The following ZNF81 variants were observed in gnomAD, a reference collection of about 807,000 sequenced individuals.
ZNF81 encodes zinc finger protein 81.
In ZNF81, 5 loss-of-function variants were observed where a neutral mutation model predicts 32.3. The ratio of observed to expected loss-of-function variants is 0.15; its 90% CI spans 0.08 to 0.33. The LOEUF (loss-of-function observed/expected upper bound fraction) is 0.33. ZNF81 is among the 10% of genes least tolerant of loss of function. ZNF81 has a pLI of 1.00. For synonymous variants in ZNF81, 163 were observed against 166.8 expected (o/e 0.98, Z 0.17); for missense variants, 379 against 479.8 (o/e 0.79, Z 1.96).
chrX:47,863,608 G>A (rs1457771120), intron 2 of ZNF81, among the ~76,000 whole-genome samples: 1 of 111,960 alleles, frequency 8.9e-6, no homozygotes, highest in Non-Finnish European at 1.9e-5. Context: ...ACCTTAGAGA[G>A]GCAAGTAGCC....
chrX:47,885,448 T>C (rs1411284620), intron 2 of ZNF81, among the ~76,000 whole-genome samples: 1 of 112,415 alleles, frequency 8.9e-6, no homozygotes, highest in Admixed American at 9.4e-5. Flanking sequence ...TTGATTTTTG[T>C]CTTACTCATC....
chrX:47,876,643 T>C (rs1343490230), intron 2 of ZNF81, among the ~76,000 whole-genome samples: 2 of 112,135 alleles, frequency 1.8e-5, no homozygotes, highest in Non-Finnish European at 3.8e-5. Flanking sequence ...AAAGAAAGCA[T>C]AGGCAATGTC....
rs1287000329 is a variant in ZNF81 at position 47,920,018 on chromosome X, T to TAGTC, written c.*3389_*3390insCAGT. ...GTAGGACAGTAGAAACTGAGGTAAA[T>TAGTC]AGTAATTATTCCTGGAAACAGCCAT... On this transcript the variant is annotated 3_prime_UTR_variant, in exon 5 of 5. Coordinates refer to ENST00000338637, the MANE Select transcript of ZNF81 (RefSeq NM_007137.5). 6 of 111,708 alleles carry TAGTC rather than the reference T, an allele frequency of 5.4e-5. No homozygotes were observed. Among genetic ancestry groups the TAGTC allele is most frequent in the Admixed American group, 9.5e-5 (1 of 10,537 alleles). 9.2% of individuals were successfully genotyped at this position (111,708 alleles called of 1,213,427 possible). A position where few individuals can be genotyped will look rare whatever the true frequency, so the allele number is the denominator to read the frequency against.
intron 2 of ZNF81, among the ~76,000 whole-genome samples, chrX:47,855,998 G>A (rs1291523644): frequency 2.1e-5 from 2 of 95,739 alleles, no homozygotes; most frequent in African/African-American, 4.0e-5. Context: ...GCAGTGAGCC[G>A]AGATCACGCC....
At chrX:47,880,115 A>T (rs1446460849) in intron 2 of ZNF81, among the ~76,000 whole-genome samples, 6 of 112,336 alleles carry the variant, frequency 5.3e-5, no homozygotes, top group African/African-American at 1.9e-4. Context: ...CAGGAGGCAC[A>T]TAATACCAAA....
At position 47,915,433 on chromosome X, in the gene ZNF81, C is replaced by G. The variant is rs895845727; in HGVS notation, c.787C>G (p.Gln263Glu). 9.9e-6 allele frequency: 12 copies of G among 1,209,800 alleles called. No individual in the cohort carries two copies. Among genetic ancestry groups the G allele is most frequent in the Non-Finnish European group, 1.3e-5 (12 of 895,219 alleles). The change falls in exon 5 of 5, where the codon CAA (glutamine) becomes GAA (glutamate). Residue 263 changes from glutamine to glutamate, a missense_variant. By Grantham distance (29) the Gln-to-Glu change is conservative. Around this residue, in one of 2 missense-constraint regions of ZNF81, gnomAD observed 277 missense variants for 306.6 expected, o/e 0.90. Transcript: ENST00000338637. ...KVLSLKHSLS[Q>E]NVKFPIGEKA... ...CCTCAGCCTCAAACACTCACTCAGT[C>G]AAAATGTGAAATTTCCCATTGGAGA...
chrX:47,910,184 A>G (rs2058734878), intron 4 of ZNF81, among the ~76,000 whole-genome samples: 1 of 111,714 alleles, frequency 9.0e-6, no homozygotes, highest in Non-Finnish European at 1.9e-5. Flanking sequence ...GAATCGCCAC[A>G]CTGACTTCCA....
At chrX:47,859,623 A>G (rs2058531685) in intron 2 of ZNF81, among the ~76,000 whole-genome samples, 2 of 112,428 alleles carry the variant, frequency 1.8e-5, no homozygotes, top group South Asian at 7.3e-4. Flanking sequence ...GACTCTGTCA[A>G]GAACTGTGAA....
intron 3 of ZNF81, among the ~76,000 whole-genome samples, chrX:47,893,286 A>G (rs1385986969): frequency 9.1e-6 from 1 of 110,495 alleles, no homozygotes; most frequent in Non-Finnish European, 1.9e-5. Flanking sequence ...GGGAAGATCA[A>G]AGGTGGTAAA....
chrX:47,918,229 A>G lies in ZNF81; in HGVS notation c.*1597A>G, dbSNP rs1181923587. 1 of 111,757 alleles carries G rather than the reference A, an allele frequency of 8.9e-6. No individual in the cohort carries two copies. Among genetic ancestry groups the G allele is most frequent in the Non-Finnish European group, 1.9e-5 (1 of 53,197 alleles). 9.2% of individuals were successfully genotyped at this position (111,757 alleles called of 1,213,427 possible). On this transcript the variant is annotated 3_prime_UTR_variant, in exon 5 of 5. Transcript: ENST00000338637. ...AAGCCAAGGATTGCTGGGTTGAAAA[A>G]TAATGCTTTCACATCACTAGTCTCT...
intron 3 of ZNF81, among the ~76,000 whole-genome samples, chrX:47,891,746 G>A (rs1166035037): frequency 1.8e-5 from 2 of 112,281 alleles, no homozygotes; most frequent in Non-Finnish European, 3.8e-5. Flanking sequence ...CCATAGTGGT[G>A]TTTGGGTCTC....
intron 4 of ZNF81, among the ~76,000 whole-genome samples, chrX:47,903,173 C>T (rs1451867454): frequency 9.1e-6 from 1 of 110,025 alleles, no homozygotes; most frequent in African/African-American, 3.3e-5. Flanking sequence ...CCTCTCTCAC[C>T]ACTCCTATCC....
chrX:47,856,611 A>G (rs1280021472), intron 2 of ZNF81, among the ~76,000 whole-genome samples: 3 of 111,914 alleles, frequency 2.7e-5, no homozygotes, highest in African/African-American at 9.8e-5. Context: ...AAAATTCCCA[A>G]AGGTCCAGCA....
Position 47,922,501 on chromosome X carries a change from C to T in ZNF81, c.*5869C>T, listed in dbSNP as rs1401715243. ...TTTTTTGTCACTGGGAACAATGCTG[C>T]TAAAAATATTAAAAGATAGTTTGCA... On this transcript the variant is annotated 3_prime_UTR_variant, in exon 5 of 5. Coordinates refer to ENST00000338637, the MANE Select transcript of ZNF81 (RefSeq NM_007137.5). Among the ~76,000 whole-genome samples the T allele has an allele frequency of 4.5e-5, 5 of 111,695 alleles. No homozygotes were observed. The highest frequency in any genetic ancestry group is 9.4e-5 in the Non-Finnish European group (5 of 53,122).
At chrX:47,873,848 G>A (rs1313452008) in intron 2 of ZNF81, among the ~76,000 whole-genome samples, 1 of 110,435 alleles carries the variant, frequency 9.1e-6, no homozygotes, top group Non-Finnish European at 1.9e-5. Context: ...TGTATTTTTA[G>A]TATAGACAGG....
intron 4 of ZNF81, among the ~76,000 whole-genome samples, chrX:47,909,809 C>G (rs2058733418): frequency 1.0e-5 from 1 of 96,330 alleles, no homozygotes; most frequent in Admixed American, 1.2e-4. Flanking sequence ...CTTCCTGTGT[C>G]CATGTGTTCT....
At chrX:47,885,694 G>A (rs782099026) in intron 2 of ZNF81, among the ~76,000 whole-genome samples, 13 of 111,435 alleles carry the variant, frequency 1.2e-4, no homozygotes, top group Middle Eastern at 9.2e-3. Flanking sequence ...GGTCAAAAAG[G>A]AAGGATGTAG....
intron 2 of ZNF81, among the ~76,000 whole-genome samples, chrX:47,885,928 T>C (rs781847910): frequency 8.9e-6 from 1 of 112,345 alleles, no homozygotes; most frequent in African/African-American, 3.2e-5. Flanking sequence ...GGATAATTTC[T>C]GTTGGTCTAT....
intron 4 of ZNF81, among the ~76,000 whole-genome samples, chrX:47,902,720 A>G (rs1293549110): frequency 8.9e-6 from 1 of 111,957 alleles, no homozygotes; most frequent in African/African-American, 3.3e-5. Flanking sequence ...AGATATCACA[A>G]TGAAAATGTA....
Sources: gnomAD v4.1 joint callset for allele counts (sites outside exome capture counted in the v4.1 genomes callset) on GRCh38, gnomAD v4.1.1 for gene constraint, gnomAD v4.1.1 regional missense constraint, MANE v1.5 for transcripts, NCBI Gene and HGNC (gene_info 2026-07-23, HGNC 2026-07-21) for gene names.